The following LRRN1 variants were observed in gnomAD, a reference collection of about 807,000 sequenced individuals.
LRRN1 encodes leucine-rich repeat neuronal protein 1.
LRRN1 carries 14 observed loss-of-function variants against 45.8 expected under a neutral mutation model. The observed-to-expected ratio is 0.31, with a 90% CI of 0.20 to 0.48. The LOEUF is 0.48. Ranked by LOEUF, LRRN1 falls within the 20% of genes least tolerant of loss-of-function variation. The pLI, the probability that LRRN1 is intolerant of heterozygous loss-of-function variation, is 0.99. For missense variants in LRRN1, 789 were observed against 874.2 expected, an observed-to-expected ratio of 0.90 and a Z score of 1.23; for synonymous variants, 359 against 330.1, an observed-to-expected ratio of 1.09 and a Z score of -0.95.
At chr3:3,820,177 T>C (rs1329031419) in intron 1 of LRRN1, among the ~76,000 whole-genome samples, 1 of 152,208 alleles carries the variant, frequency 6.6e-6, no homozygotes, top group Non-Finnish European at 1.5e-5. Context: ...TTACTTCATA[T>C]GTTCTGTAAT....
chr3:3,846,445 C>A lies in LRRN1; in HGVS notation c.1804C>A (p.His602Asn). Residue 602 changes from histidine (H) to asparagine (N), a missense_variant, in exon 2 of 2, where the codon CAT (histidine) becomes AAT (asparagine). By Grantham distance (68) the His-to-Asn change is moderately conservative (BLOSUM62 1). Transcript: ENST00000319331. This position sits in a 1 kb window ranked among gnomAD's most constrained non-coding sequence, Gnocchi z 5.7. ...YEVCLTVSNIHQQTQKSCVNV... is the reference protein window; with the variant it reads ...YEVCLTVSNINQQTQKSCVNV... The stretch of plus-strand genomic sequence containing the variant: ...AGTGTGTCTCACAGTGTCCAATATT[C>A]ATCAGCAGACTCAAAAGTCATGCGT... 1 of 1,614,134 alleles carries A rather than the reference C, an allele frequency of 6.2e-7. No homozygotes were observed. Among genetic ancestry groups the A allele is most frequent in the Non-Finnish European group, 8.5e-7 (1 of 1,180,032 alleles).
At chr3:3,804,440 G>A (rs1449186442) in intron 1 of LRRN1, among the ~76,000 whole-genome samples, 2 of 152,284 alleles carry the variant, frequency 1.3e-5, no homozygotes, top group East Asian at 3.9e-4. Context: ...GAATCTAGGG[G>A]TGAACTTGGA....
chr3:3,827,537 G>T (rs914541065), intron 1 of LRRN1: 1 of 455,322 alleles, frequency 2.2e-6, no homozygotes, highest in African/African-American at 2.0e-5. Context: ...AATCTTGGTT[G>T]AACAAAAATC....
intron 1 of LRRN1, among the ~76,000 whole-genome samples, chr3:3,810,018 C>T (rs557829397): frequency 1.3e-3 from 201 of 152,272 alleles, no homozygotes; most frequent in African/African-American, 4.7e-3. Flanking sequence ...TGTCACCTTT[C>T]GTGGTGGACC....
chr3:3,811,171 A>G (rs962772909), intron 1 of LRRN1, among the ~76,000 whole-genome samples: 4 of 152,012 alleles, frequency 2.6e-5, no homozygotes, highest in East Asian at 1.9e-4. Flanking sequence ...AAAGATGTGG[A>G]AAAAAAACCC....
Position 3,845,525 on chromosome 3 carries a change from A to G in LRRN1, c.884A>G (p.Asn295Ser). ...CTTCGGTTAAAAGAACTGGGAATCA[A>G]CAATATGGGCGAGCTCGTTTCTGTC... is the stretch of plus-strand genomic sequence containing the variant. ...NMLRLKELGI[N>S]NMGELVSVDR... Residue 295 changes from asparagine (N) to serine (S), a missense_variant, in exon 2 of 2, where the codon AAC becomes AGC. By Grantham distance (46) the Asn-to-Ser change is conservative (BLOSUM62 1). Transcript: ENST00000319331. The surrounding 1 kb of genome is among the most constrained non-coding windows in gnomAD (Gnocchi z 6.5). The G allele has an allele frequency of 1.2e-6, 2 of 1,614,136 alleles. No homozygotes were observed. Among genetic ancestry groups the G allele is most frequent in the Non-Finnish European group, 1.7e-6 (2 of 1,180,028 alleles).
At chr3:3,808,994 A>G (rs1285574985) in intron 1 of LRRN1, among the ~76,000 whole-genome samples, 2 of 152,184 alleles carry the variant, frequency 1.3e-5, no homozygotes, top group Non-Finnish European at 2.9e-5. Context: ...CTATTAAGTT[A>G]TATCATCATT....
intron 1 of LRRN1, among the ~76,000 whole-genome samples, chr3:3,826,249 C>G (rs950356129): frequency 2.0e-5 from 3 of 152,138 alleles, no homozygotes; most frequent in South Asian, 2.1e-4. Flanking sequence ...AGGGAGGAAG[C>G]ATTGCCTCTC....
intron 1 of LRRN1, among the ~76,000 whole-genome samples, chr3:3,833,541 T>C (rs1693417298): frequency 6.6e-6 from 1 of 152,194 alleles, no homozygotes; most frequent in African/African-American, 2.4e-5. Flanking sequence ...CAAACAGTTC[T>C]TTTCTAGTGT....
At chr3:3,835,936 T>G (rs148157476) in intron 1 of LRRN1, among the ~76,000 whole-genome samples, 9 of 152,272 alleles carry the variant, frequency 5.9e-5, no homozygotes, top group Non-Finnish European at 1.3e-4. Context: ...CCCGTGCCAA[T>G]TCTGGGCCTT....
Position 3,845,482 on chromosome 3 carries a change from G to C in LRRN1, c.841G>C (p.Gly281Arg), listed in dbSNP as rs746714242. Residue 281 changes from glycine to arginine, a missense_variant, in exon 2 of 2, where the codon GGG becomes CGG. Transcript: ENST00000319331. This position sits in a 1 kb window ranked among gnomAD's most constrained non-coding sequence, Gnocchi z 6.5. ...AAACCCCATTCACAAAATCCAAGAA[G>C]GGGACTTCAAAAATATGCTTCGGTT... Reference protein sequence around the residue: ...NKNPIHKIQEGDFKNMLRLKE... With the variant: ...NKNPIHKIQERDFKNMLRLKE... The C allele has an allele frequency of 6.2e-7, 1 of 1,614,028 alleles. No homozygotes were observed. Among genetic ancestry groups the C allele is most frequent in the Non-Finnish European group, 8.5e-7 (1 of 1,179,998 alleles).
In LRRN1 at chr3:3,845,629, C is replaced by T. The variant is rs146290783; in HGVS notation, c.988C>T (p.Arg330Cys). 2,533 of 1,614,042 alleles carry T rather than the reference C, an allele frequency of 1.6e-3. 19 individuals carry two copies. Among genetic ancestry groups the T allele is most frequent in the Middle Eastern group, 0.013 (78 of 6,062 alleles). ...TAACCCTAAACTCTCTTACATCCAC[C>T]GCTTGGCTTTCCGAAGTGTCCCTGC... Reference protein sequence around the residue: ...TNNPKLSYIHRLAFRSVPALE... With the variant: ...TNNPKLSYIHCLAFRSVPALE... Residue 330 changes from arginine to cysteine, a missense_variant, in exon 2 of 2, where the codon CGC becomes TGC. Physicochemically the swap from Arg to Cys is radical, Grantham distance 180 (BLOSUM62 -3). Coordinates refer to ENST00000319331, the MANE Select transcript of LRRN1 (RefSeq NM_020873.7). This position sits in a 1 kb window ranked among gnomAD's most constrained non-coding sequence, Gnocchi z 6.5.
At chr3:3,814,778 A>C (rs1692955704) in intron 1 of LRRN1, among the ~76,000 whole-genome samples, 1 of 152,186 alleles carries the variant, frequency 6.6e-6, no homozygotes, top group South Asian at 2.1e-4. Context: ...AGACACAGAA[A>C]GAAGGCACCA....
chr3:3,831,455 T>C, intron 1 of LRRN1, among the ~76,000 whole-genome samples: 1 of 152,248 alleles, frequency 6.6e-6, no homozygotes, highest in East Asian at 1.9e-4. Context: ...ATCAGCATAC[T>C]GTCATCAACG....
chr3:3,834,522 C>A (rs1207566913), intron 1 of LRRN1, among the ~76,000 whole-genome samples: 1 of 3,014 alleles, frequency 3.3e-4, no homozygotes, highest in Non-Finnish European at 1.4e-3. Flanking sequence ...AGGGACAGAA[C>A]AGGATATATA....
At chr3:3,832,116 C>A (rs1693386022) in intron 1 of LRRN1, among the ~76,000 whole-genome samples, 1 of 152,244 alleles carries the variant, frequency 6.6e-6, no homozygotes, top group Non-Finnish European at 1.5e-5. Context: ...CAAGATGCAT[C>A]TGTCTTCTGC....
Position 3,846,712 on chromosome 3 carries a change from G to A in LRRN1, c.2071G>A (p.Asp691Asn), listed in dbSNP as rs372294099. 7.8e-5 allele frequency: 126 copies of A among 1,613,846 alleles called. No homozygotes were observed. The highest frequency in any genetic ancestry group is 9.7e-5 in the Non-Finnish European group (115 of 1,180,014). ...ACCACTCATTAACCTCTGGGAAGGTGACAGCGAGAAAGACAAAGATGGTTC... is the reference window on the plus strand; with the variant it reads ...ACCACTCATTAACCTCTGGGAAGGTAACAGCGAGAAAGACAAAGATGGTTC... ...YPPLINLWEG[D>N]SEKDKDGSAD... The change falls in exon 2 of 2, where the codon GAC becomes AAC. Residue 691 changes from aspartate (D) to asparagine (N), a missense_variant. Transcript: ENST00000319331. This position sits in a 1 kb window ranked among gnomAD's most constrained non-coding sequence, Gnocchi z 5.7.
rs1693767639 is a variant in LRRN1 at position 3,845,978 on chromosome 3, A to C, written c.1337A>C (p.Asp446Ala). The C allele has an allele frequency of 6.2e-7, 1 of 1,614,012 alleles. No homozygotes were observed. Among genetic ancestry groups the C allele is most frequent in the Non-Finnish European group, 8.5e-7 (1 of 1,179,924 alleles). The change falls in exon 2 of 2, where the codon GAC becomes GCC. Residue 446 changes from aspartate (D) to alanine (A), a missense_variant. Asp to Ala is a moderately radical substitution (Grantham distance 126). Transcript: ENST00000319331. The surrounding 1 kb of genome is among the most constrained non-coding windows in gnomAD (Gnocchi z 6.5). ...NVDIGTTVFL[D>A]CRAMAEPEPE... ...GATATCGGCACGACGGTTTTCCTAG[A>C]CTGTCGAGCCATGGCTGAGCCAGAA...
At chr3:3,815,124 G>A (rs1559287140) in intron 1 of LRRN1, among the ~76,000 whole-genome samples, 1 of 152,116 alleles carries the variant, frequency 6.6e-6, no homozygotes, top group South Asian at 2.1e-4. Context: ...CATAGCTACT[G>A]TGGCATAACC....
Sources: allele counts gnomAD v4.1 joint callset (sites outside exome capture counted in the v4.1 genomes callset), GRCh38; gene constraint gnomAD v4.1.1; non-coding constraint Gnocchi (gnomAD v3.1); transcripts MANE v1.5; gene names NCBI Gene and HGNC (gene_info 2026-07-23, HGNC 2026-07-21).